Variants in NLGN1 observed in about 807,000 individuals in gnomAD.
The protein encoded by NLGN1 is neuroligin 1, also known as neuroligin-1.
Under a neutral mutation model 65.5 loss-of-function variants are expected in NLGN1, and 12 were observed. The ratio of observed to expected loss-of-function variants is 0.18; its 90% CI spans 0.12 to 0.30. The LOEUF is 0.30. NLGN1 is among the 10% of genes least tolerant of loss of function. The pLI is 1.00. For synonymous variants in NLGN1, 350 were observed against 359.5 expected, an observed-to-expected ratio of 0.97 and a Z score of 0.30; for missense variants, 750 against 1,007.1, an observed-to-expected ratio of 0.74 and a Z score of 3.46.
Position 174,036,545 on chromosome 3 carries a change from C to T in NLGN1, c.646+228713C>T, listed in dbSNP as rs563631708. Among the ~76,000 whole-genome samples the T allele has an allele frequency of 1.2e-4, 18 of 149,192 alleles. 1 individual carries two copies. In the South Asian group the frequency reaches 3.6e-3, roughly 30 times the overall value. ...AGGGAACAACCCAAACACATTTTATCTAGTGACTCCTGGTATTTATGGAAA... is the reference window on the plus strand; with the variant it reads ...AGGGAACAACCCAAACACATTTTATTTAGTGACTCCTGGTATTTATGGAAA... On this transcript the variant is annotated intron_variant, in intron 4 of 6. Coordinates refer to ENST00000457714, the Ensembl canonical transcript of NLGN1.
At chr3:174,241,933 CA>C (rs1426085489) in intron 4 of NLGN1, among the ~76,000 whole-genome samples, 1 of 152,156 alleles carries the variant, frequency 6.6e-6, no homozygotes, top group Non-Finnish European at 1.5e-5. Flanking sequence ...GCTAGGATTA[CA>C]GGCGTGAGCC....
At chr3:173,746,553 A>G (rs890659432) in intron 3 of NLGN1, among the ~76,000 whole-genome samples, 1 of 151,384 alleles carries the variant, frequency 6.6e-6, no homozygotes, top group African/African-American at 2.4e-5. Context: ...TTCGAGTCTG[A>G]GTCTTAAAGC....
chr3:173,862,433 G>C (rs1228181206), intron 4 of NLGN1, among the ~76,000 whole-genome samples: 3 of 145,958 alleles, frequency 2.1e-5, no homozygotes, highest in Non-Finnish European at 4.5e-5. Flanking sequence ...GTGAACCCGG[G>C]AGACGGAGCT....
intron 4 of NLGN1, among the ~76,000 whole-genome samples, chr3:173,985,730 A>G (rs917008531): frequency 6.6e-6 from 1 of 152,106 alleles, no homozygotes; most frequent in African/African-American, 2.4e-5. Flanking sequence ...CGGGTGGATC[A>G]CTTGAGGTCA....
At chr3:173,678,887 C>T (rs1415605381) in intron 3 of NLGN1, among the ~76,000 whole-genome samples, 2 of 152,026 alleles carry the variant, frequency 1.3e-5, no homozygotes, top group African/African-American at 4.8e-5. Context: ...ATTTTATAGA[C>T]ATTTAGGAGA....
At chr3:173,707,590 G>A (rs191093554) in intron 3 of NLGN1, among the ~76,000 whole-genome samples, 1 of 152,194 alleles carries the variant, frequency 6.6e-6, no homozygotes, top group East Asian at 1.9e-4. Context: ...CTCCCAACGT[G>A]TACCCAATGA....
chr3:173,591,630 C>T (rs541331883), intron 2 of NLGN1, among the ~76,000 whole-genome samples: 148 of 152,278 alleles, frequency 9.7e-4, no homozygotes, highest in African/African-American at 3.4e-3. Context: ...CAGGGCCATA[C>T]TCAAACTTAG....
chr3:173,727,186 A>T (rs1771949893), intron 3 of NLGN1, among the ~76,000 whole-genome samples: 1 of 152,100 alleles, frequency 6.6e-6, no homozygotes, highest in African/African-American at 2.4e-5. Flanking sequence ...TCAGAGGGGG[A>T]AACAGATTTA....
At chr3:174,163,741 C>A (rs1422382511) in intron 4 of NLGN1, among the ~76,000 whole-genome samples, 1 of 151,944 alleles carries the variant, frequency 6.6e-6, no homozygotes, top group Admixed American at 6.6e-5. Flanking sequence ...GCTGCTTCAA[C>A]GTTGCTGCAA....
chr3:174,051,093 T>C (rs1161249766), intron 4 of NLGN1, among the ~76,000 whole-genome samples: 1 of 152,096 alleles, frequency 6.6e-6, no homozygotes, highest in Non-Finnish European at 1.5e-5. Context: ...TTAATTTGTT[T>C]TAGGTAATGG....
At chr3:173,955,521 G>A (rs1470718683) in intron 4 of NLGN1, among the ~76,000 whole-genome samples, 1 of 152,086 alleles carries the variant, frequency 6.6e-6, no homozygotes, top group Non-Finnish European at 1.5e-5. Flanking sequence ...CCAGAACAAT[G>A]CTTTGTTATA....
chr3:174,037,065 T>G (rs1731303541), intron 4 of NLGN1, among the ~76,000 whole-genome samples: 1 of 152,174 alleles, frequency 6.6e-6, no homozygotes, highest in Non-Finnish European at 1.5e-5. Flanking sequence ...TGAACATACG[T>G]GTGCATGTCT....
intron 4 of NLGN1, among the ~76,000 whole-genome samples, chr3:174,272,637 A>AGATGAT (rs2152880383): frequency 6.6e-6 from 1 of 150,666 alleles, no homozygotes; most frequent in African/African-American, 2.4e-5. Context: ...AGTTAGTTTC[A>AGATGAT]GATGATGATA....
intron 4 of NLGN1, among the ~76,000 whole-genome samples, chr3:173,922,907 A>G (rs1349917166): frequency 1.3e-5 from 2 of 152,152 alleles, no homozygotes. Flanking sequence ...GAAAATGGGA[A>G]GAGAAATTGA....
At chr3:173,848,283 T>A (rs116519576) in intron 4 of NLGN1, among the ~76,000 whole-genome samples, 406 of 152,272 alleles carry the variant, frequency 2.7e-3, no homozygotes, top group Admixed American at 4.9e-3. Flanking sequence ...AATCCTCATT[T>A]CACACTTATG....
intron 3 of NLGN1, among the ~76,000 whole-genome samples, chr3:173,717,131 A>G (rs1474527062): frequency 3.3e-5 from 5 of 152,178 alleles, no homozygotes; most frequent in Admixed American, 6.6e-5. Context: ...TAATAAAAGA[A>G]GCTTCAGCCA....
At chr3:173,479,384 G>A (rs1417935068) in intron 2 of NLGN1, among the ~76,000 whole-genome samples, 1 of 152,182 alleles carries the variant, frequency 6.6e-6, no homozygotes, top group Non-Finnish European at 1.5e-5. Context: ...ATGGGAATGT[G>A]TTGACTCTCA....
chr3:173,741,266 CAA>C (rs1267796756), intron 3 of NLGN1, among the ~76,000 whole-genome samples: 2 of 152,064 alleles, frequency 1.3e-5, no homozygotes, highest in Non-Finnish European at 2.9e-5. Context: ...AGCAGACAAT[CAA>C]GAGCCATTTC....
chr3:174,193,836 C>A (rs562454674), intron 4 of NLGN1, among the ~76,000 whole-genome samples: 1 of 152,166 alleles, frequency 6.6e-6, no homozygotes, highest in African/African-American at 2.4e-5. Flanking sequence ...TCTTCTCTGA[C>A]ATTGTTTAAA....
Sources: allele counts gnomAD v4.1 joint callset (sites outside exome capture counted in the v4.1 genomes callset), GRCh38; gene constraint gnomAD v4.1.1; transcripts MANE v1.5; gene names NCBI Gene and HGNC (gene_info 2026-07-23, HGNC 2026-07-21).